NDST1: variants seen among roughly 807,000 people sequenced by gnomAD.
NDST1 encodes bifunctional heparan sulfate N-deacetylase/N-sulfotransferase 1.
A neutral mutation model predicts 92.8 loss-of-function variants in NDST1; 35 were observed. The ratio of observed to expected loss-of-function variants is 0.38; its 90% CI spans 0.29 to 0.50. The LOEUF (loss-of-function observed/expected upper bound fraction) is 0.50. NDST1 is among the 20% of genes least tolerant of loss of function. The pLI, the probability that NDST1 is intolerant of heterozygous loss-of-function variation, is 0.94. For synonymous variants in NDST1, 493 were observed against 500.3 expected (o/e 0.99, Z 0.19); for missense variants, 822 against 1,182.7 (o/e 0.69, Z 4.47).
At chr5:150,541,751 C>A in intron 9 of NDST1, 85 bp downstream of exon 9, 3 of 1,259,116 alleles carry the variant, frequency 2.4e-6, no homozygotes, top group Non-Finnish European at 3.4e-6. Flanking sequence ...GCCCTGGCCC[C>A]ACTCCCGGAT....
intron 10 of NDST1, among the ~76,000 whole-genome samples, chr5:150,544,997 C>T (rs1056646738): frequency 6.6e-5 from 10 of 152,092 alleles, no homozygotes; most frequent in Non-Finnish European, 7.4e-5. Flanking sequence ...GCTGAGGGGG[C>T]GGGATCCTAG....
At chr5:150,498,522 G>T (rs937776265) in intron 1 of NDST1, among the ~76,000 whole-genome samples, 2 of 152,162 alleles carry the variant, frequency 1.3e-5, no homozygotes, top group South Asian at 4.1e-4. Context: ...TAGAGAGCAG[G>T]GGTGGGCAGG....
At position 150,521,165 on chromosome 5, in the gene NDST1, A is replaced by C; in HGVS notation, c.-90A>C. 1.7e-6 allele frequency: 2 copies of C among 1,189,088 alleles called. No individual in the cohort carries two copies. Among genetic ancestry groups the C allele is most frequent in the Non-Finnish European group, 2.4e-6 (2 of 843,878 alleles). 73.7% of individuals were successfully genotyped at this position (1,189,088 alleles called of 1,614,324 possible). A position where few individuals can be genotyped will look rare whatever the true frequency, so the allele number is the denominator to read the frequency against. ...CTAAGTCTCTGTGAATTTGTTGGTC[A>C]GTGGACGATTCTCGTGTCTCCTCCT... On this transcript the variant is annotated 5_prime_UTR_variant, in exon 2 of 15. Transcript: ENST00000261797. The surrounding 1 kb of genome is among the most constrained non-coding windows in gnomAD (Gnocchi z 5.9).
intron 2 of NDST1, 75 bp from the exon 3 acceptor site, chr5:150,527,729 C>T (rs1300057644): frequency 5.6e-6 from 9 of 1,596,828 alleles, no homozygotes; most frequent in Non-Finnish European, 7.7e-6. Context: ...TTATGGTCCA[C>T]ATGTGAGAGA....
At chr5:150,516,587 G>A (rs1233260541) in intron 1 of NDST1, among the ~76,000 whole-genome samples, 1 of 152,196 alleles carries the variant, frequency 6.6e-6, no homozygotes, top group Non-Finnish European at 1.5e-5. Context: ...GTCTGCACGT[G>A]TAACCAGTAG....
chr5:150,544,652 A>C (rs1485646496), intron 10 of NDST1, among the ~76,000 whole-genome samples: 1 of 152,308 alleles, frequency 6.6e-6, no homozygotes, highest in Admixed American at 6.5e-5. Flanking sequence ...CTGAGTTTGC[A>C]TAGGTAGATT....
intron 1 of NDST1, among the ~76,000 whole-genome samples, chr5:150,515,612 T>C (rs1442193021): frequency 6.6e-6 from 1 of 152,082 alleles, no homozygotes; most frequent in Non-Finnish European, 1.5e-5. Flanking sequence ...CAATGGGAAT[T>C]TCATCAGCAA....
At chr5:150,540,039 A>T in intron 7 of NDST1, 43 bp from the exon 8 acceptor site, 2 of 1,611,180 alleles carry the variant, frequency 1.2e-6, no homozygotes, top group Non-Finnish European at 1.7e-6. Context: ...GGTGGCTCAG[A>T]CACTGATGGG....
At chr5:150,512,137 G>T (rs879496902) in intron 1 of NDST1, among the ~76,000 whole-genome samples, 1 of 152,148 alleles carries the variant, frequency 6.6e-6, no homozygotes, top group African/African-American at 2.4e-5. Flanking sequence ...GTTGCTGGCA[G>T]AGCTCTTTCT....
intron 14 of NDST1, among the ~76,000 whole-genome samples, chr5:150,552,111 T>C (rs1240764918): frequency 6.6e-6 from 1 of 152,212 alleles, no homozygotes; most frequent in Non-Finnish European, 1.5e-5. Flanking sequence ...AGACATGTTC[T>C]CTGCCTTCAA....
chr5:150,548,340 G>C lies in NDST1; in HGVS notation c.2268G>C (p.Trp756Cys). ...ALQNRCLVPG[W>C]YATHIERWLS... ...AGAACCGCTGCCTGGTCCCTGGCTG[G>C]TACGCCACCCACATCGAGCGCTGGC... The change falls in exon 12 of 15, where the codon TGG (tryptophan) becomes TGC (cysteine). Residue 756 changes from tryptophan (W) to cysteine (C), a missense_variant. Coordinates refer to ENST00000261797, the MANE Select transcript of NDST1 (RefSeq NM_001543.5). 6.2e-7 allele frequency: 1 copy of C among 1,613,886 alleles called. No individual in the cohort carries two copies. The highest frequency in any genetic ancestry group is 2.2e-5 in the East Asian group (1 of 44,874).
rs1329813490 is a variant in NDST1, at chr5:150,553,470, G to C, written c.*138G>C. The C allele has an allele frequency of 8.0e-7, 1 of 1,247,906 alleles. No individual in the cohort carries two copies. Among genetic ancestry groups the C allele is most frequent in the African/African-American group, 1.5e-5 (1 of 67,484 alleles). The allele number at this position is 1,247,906 out of a possible 1,614,324, so 77.3% of individuals were successfully genotyped here. Reference sequence around the variant, plus strand: ...CAATACTCTGTGGAGGTCTGGTGGGGCTGGGGGAGCACCCAGGCGGATCTG... The same window carrying C: ...CAATACTCTGTGGAGGTCTGGTGGGCCTGGGGGAGCACCCAGGCGGATCTG... On this transcript the variant is annotated 3_prime_UTR_variant, in exon 15 of 15. Transcript: ENST00000261797. The surrounding 1 kb of genome is among the most constrained non-coding windows in gnomAD (Gnocchi z 4.2).
chr5:150,508,234 T>G lies in NDST1; in HGVS notation c.-388+8T>G, dbSNP rs539775830. 6.5e-6 allele frequency: 1 copy of G among 153,302 alleles called. No individual in the cohort carries two copies. The highest frequency in any genetic ancestry group is 6.5e-5 in the Admixed American group (1 of 15,298). The allele number at this position is 153,302 out of a possible 1,614,324, so 9.5% of individuals were successfully genotyped here. A position where few individuals can be genotyped will look rare whatever the true frequency, so the allele number is the denominator to read the frequency against. ...CCACTGCCTGGAGCTCCGGTGGGTC[T>G]GGGTCTGGTCATTGTCTCGCTGGCT... On this transcript the variant is annotated splice_region_variant and intron_variant, in intron 1 of 14. Transcript: ENST00000261797.
chr5:150,551,689 G>A (rs1227932159), intron 13 of NDST1, 64 bp from the exon 14 acceptor site: 2 of 1,586,428 alleles, frequency 1.3e-6, no homozygotes, highest in Non-Finnish European at 1.7e-6. Flanking sequence ...CCATGAACAT[G>A]GCTTTAAGGT....
At chr5:150,504,053 A>G (rs1753345125), upstream of NDST1, among the ~76,000 whole-genome samples, 1 of 152,092 alleles carries the variant, frequency 6.6e-6, no homozygotes, top group Non-Finnish European at 1.5e-5. Flanking sequence ...GCTCCAGCAG[A>G]GCCGTGGAGA....
intron 9 of NDST1, among the ~76,000 whole-genome samples, chr5:150,542,360 G>A (rs1017376): frequency 3.3e-3 from 506 of 152,318 alleles, no homozygotes; most frequent in Non-Finnish European, 6.0e-3. Flanking sequence ...TGAGCAGAGG[G>A]TATTGGGAAG....
rs1289618408 is a variant in NDST1 at position 150,535,039 on chromosome 5, C to T, written c.1251+18C>T. 2 of 1,610,030 alleles carry T rather than the reference C, an allele frequency of 1.2e-6. No homozygotes were observed. The highest frequency in any genetic ancestry group is 1.1e-5 in the South Asian group (1 of 90,588). ...TCGCTGTCGTGAGTAAGATTCCTTG[C>T]AGGGCAGAGCGGGGCGGGCTAAGGG... On this transcript the variant is annotated intron_variant, in intron 5 of 14. Transcript: ENST00000261797.
At chr5:150,540,567 A>G (rs773352061) in intron 8 of NDST1, among the ~76,000 whole-genome samples, 12 of 152,122 alleles carry the variant, frequency 7.9e-5, no homozygotes, top group Non-Finnish European at 1.6e-4. Flanking sequence ...TATAATCCCA[A>G]TACTTTAGGA....
upstream of NDST1, among the ~76,000 whole-genome samples, chr5:150,503,691 A>C (rs577387626): frequency 1.3e-5 from 2 of 152,066 alleles, no homozygotes; most frequent in Admixed American, 1.3e-4. Flanking sequence ...AGCCCCTTCC[A>C]CCTTCCAGAG....
Sources: allele counts gnomAD v4.1 joint callset (sites outside exome capture counted in the v4.1 genomes callset), GRCh38; gene constraint gnomAD v4.1.1; non-coding constraint Gnocchi (gnomAD v3.1); transcripts MANE v1.5; gene names NCBI Gene and HGNC (gene_info 2026-07-23, HGNC 2026-07-21).